ATE1: variants seen among roughly 807,000 people sequenced by gnomAD.
The protein encoded by ATE1 is arginyltransferase 1, also known as arginyl-tRNA--protein transferase 1.
A neutral mutation model predicts 70.5 loss-of-function variants in ATE1; 36 were observed. The observed-to-expected ratio is 0.51, with a 90% CI of 0.39 to 0.67. ATE1 has a LOEUF of 0.67. ATE1 is among the 30% of genes least tolerant of loss of function. The pLI is 0.00. For synonymous variants in ATE1, 232 were observed against 219.3 expected, an observed-to-expected ratio of 1.06 and a Z score of -0.51; for missense variants, 593 against 629.5, an observed-to-expected ratio of 0.94 and a Z score of 0.62.
chr10:121,772,319 CAAATT>C (rs1232714630), intron 11 of ATE1, among the ~76,000 whole-genome samples: 1 of 152,182 alleles, frequency 6.6e-6, no homozygotes, highest in African/African-American at 2.4e-5. Flanking sequence ...TCTGAATTCT[CAAATT>C]AAATCATTCT....
intron 11 of ATE1, among the ~76,000 whole-genome samples, chr10:121,769,560 C>G (rs1334793908): frequency 6.6e-6 from 1 of 152,110 alleles, no homozygotes; most frequent in Non-Finnish European, 1.5e-5. Flanking sequence ...ACCTAGACTT[C>G]ATTAAAATTG....
intron 1 of ATE1, chr10:121,927,032 A>T: frequency 1.0e-6 from 1 of 985,446 alleles, no homozygotes; most frequent in Non-Finnish European, 1.2e-6. Flanking sequence ...TTTCATGCGA[A>T]TCTCGTTTTC....
chr10:121,859,314 T>C (rs1381498887), intron 8 of ATE1, among the ~76,000 whole-genome samples: 1 of 150,510 alleles, frequency 6.6e-6, no homozygotes, highest in Non-Finnish European at 1.5e-5. Flanking sequence ...TGGAGTGCAG[T>C]GGCGGGATCT....
chr10:121,926,614 T>G (rs1952101117), intron 1 of ATE1: 1 of 644,792 alleles, frequency 1.6e-6, no homozygotes, highest in Non-Finnish European at 1.9e-6. Context: ...AATGACCTAT[T>G]AAAATATTAA....
chr10:121,922,657 AC>A (rs1212580046), intron 2 of ATE1, among the ~76,000 whole-genome samples: 18 of 152,132 alleles, frequency 1.2e-4, no homozygotes, highest in Admixed American at 1.2e-3. Context: ...TTCCCCTCTC[AC>A]CAGCATCTGC....
At chr10:121,847,394 G>A (rs1425763277) in intron 8 of ATE1, among the ~76,000 whole-genome samples, 1 of 152,090 alleles carries the variant, frequency 6.6e-6, no homozygotes, top group Non-Finnish European at 1.5e-5. Context: ...GTTGCAGTGA[G>A]CTGAGATCGC....
chr10:121,802,083 T>C (rs1006145501), intron 10 of ATE1, among the ~76,000 whole-genome samples: 1 of 152,194 alleles, frequency 6.6e-6, no homozygotes, highest in Non-Finnish European at 1.5e-5. Flanking sequence ...ATAATAATAG[T>C]ACTATACTCA....
At chr10:121,846,080 T>C (rs1378303679) in intron 8 of ATE1, among the ~76,000 whole-genome samples, 1 of 141,942 alleles carries the variant, frequency 7.0e-6, no homozygotes, top group Non-Finnish European at 1.5e-5. Flanking sequence ...AGGCAGGAAA[T>C]ATACAAGATC....
chr10:121,745,680 T>TA (rs1944337452), intron 11 of ATE1, among the ~76,000 whole-genome samples: 1 of 152,118 alleles, frequency 6.6e-6, no homozygotes, highest in Non-Finnish European at 1.5e-5. Flanking sequence ...TGAGCCGAGA[T>TA]GGCATCACTG....
At chr10:121,908,136 T>C (rs74158467) in intron 5 of ATE1, among the ~76,000 whole-genome samples, 6,536 of 152,240 alleles carry the variant, frequency 0.043, 413 homozygotes, top group African/African-American at 0.14. Context: ...TTCCCAATGA[T>C]ACCAACAAGA....
intron 5 of ATE1, 21 bp downstream of exon 5, chr10:121,910,885 G>C (rs901885805): frequency 6.2e-7 from 1 of 1,612,580 alleles, no homozygotes; most frequent in Admixed American, 1.7e-5. Context: ...AATATGACTT[G>C]GTATCAAAAA....
intron 9 of ATE1, among the ~76,000 whole-genome samples, chr10:121,839,765 C>T (rs1313636629): frequency 6.6e-6 from 1 of 152,006 alleles, no homozygotes; most frequent in African/African-American, 2.4e-5. Flanking sequence ...AATGCTAAGA[C>T]AAAGAACTTT....
At chr10:121,780,747 C>T (rs1422722257) in intron 11 of ATE1, among the ~76,000 whole-genome samples, 1 of 152,180 alleles carries the variant, frequency 6.6e-6, no homozygotes, top group African/African-American at 2.4e-5. Context: ...CTGTTCCATC[C>T]CCTGTTGAAA....
Position 121,885,291 on chromosome 10 carries a change from C to G in ATE1, c.942+14575G>C, listed in dbSNP as rs551718322. Among the ~76,000 whole-genome samples, 7 of 142,672 alleles carry G rather than the reference C, an allele frequency of 4.9e-5. No individual in the cohort carries two copies. The East Asian group carries it at 1.3e-3, about 26-fold the overall frequency. 93.6% of individuals were successfully genotyped at this position (142,672 alleles called of 152,430 possible). The stretch of plus-strand genomic sequence containing the variant: ...AAAAAAAAAAAAAAAAAAAAGAGGC[C>G]GGGCGCGGTGGCTCACACTTGTAAT... On this transcript the variant is annotated intron_variant, in intron 7 of 11. Transcript: ENST00000224652.
In ATE1 at chr10:121,741,623, G is replaced by C. The variant is rs939907452; in HGVS notation, c.*2057C>G. 7 of 152,284 alleles carry C rather than the reference G, an allele frequency of 4.6e-5. No individual in the cohort carries two copies. Among genetic ancestry groups the C allele is most frequent in the Non-Finnish European group, 1.0e-4 (7 of 68,022 alleles). The allele number at this position is 152,284 out of a possible 1,614,324, so 9.4% of individuals were successfully genotyped here. ...AAGACAAATGGAGGGAAGATACAGTGATAACACCAAGTTGGACATTCAAAT... is the reference window on the plus strand; with the variant it reads ...AAGACAAATGGAGGGAAGATACAGTCATAACACCAAGTTGGACATTCAAAT... On this transcript the variant is annotated 3_prime_UTR_variant, in exon 12 of 12. Transcript: ENST00000224652.
At chr10:121,921,813 G>T (rs10887022) in intron 3 of ATE1, among the ~76,000 whole-genome samples, 90 of 152,084 alleles carry the variant, frequency 5.9e-4, no homozygotes, top group African/African-American at 2.1e-3. Flanking sequence ...TCTTTGTTCC[G>T]GGCCCAGTCT....
At chr10:121,805,545 T>C (rs1204699900) in intron 10 of ATE1, among the ~76,000 whole-genome samples, 2 of 152,210 alleles carry the variant, frequency 1.3e-5, no homozygotes, top group African/African-American at 4.8e-5. Flanking sequence ...AAATCAAGAT[T>C]TGAACGCAGC....
intron 11 of ATE1, among the ~76,000 whole-genome samples, chr10:121,753,859 A>G (rs1944688286): frequency 6.6e-6 from 1 of 152,208 alleles, no homozygotes; most frequent in Admixed American, 6.5e-5. Context: ...AAGTTGGTTT[A>G]TGTGCTGGGG....
intron 8 of ATE1, among the ~76,000 whole-genome samples, chr10:121,851,679 C>T (rs890647298): frequency 1.4e-4 from 21 of 152,192 alleles, no homozygotes; most frequent in Non-Finnish European, 3.1e-4. Context: ...TTTCCTCATA[C>T]ATAAATCTGT....
Sources: gnomAD v4.1 joint callset for allele counts (sites outside exome capture counted in the v4.1 genomes callset) on GRCh38, gnomAD v4.1.1 for gene constraint, MANE v1.5 for transcripts, NCBI Gene and HGNC (gene_info 2026-07-23, HGNC 2026-07-21) for gene names.